Variants in SLC35F1 observed in about 807,000 individuals in gnomAD.
The protein encoded by SLC35F1 is solute carrier family 35 member F1.
Under a neutral mutation model 48.7 loss-of-function variants are expected in SLC35F1, and 14 were observed. That is an observed-to-expected ratio of 0.29 (90% confidence interval 0.19 to 0.45). The LOEUF is 0.45. SLC35F1 is among the 20% of genes least tolerant of loss of function. The pLI is 1.00. For missense variants in SLC35F1, 404 were observed against 500.0 expected (o/e 0.81, Z 1.83); for synonymous variants, 190 against 202.2 (o/e 0.94, Z 0.51).
At chr6:118,032,731 C>G (rs1365649154) in intron 1 of SLC35F1, among the ~76,000 whole-genome samples, 2 of 152,076 alleles carry the variant, frequency 1.3e-5, no homozygotes, top group Non-Finnish European at 2.9e-5. Context: ...TTTCCTTAGC[C>G]TGTAATTTGT....
At chr6:117,977,472 C>G (rs1476016599) in intron 1 of SLC35F1, among the ~76,000 whole-genome samples, 1 of 151,984 alleles carries the variant, frequency 6.6e-6, no homozygotes, top group Non-Finnish European at 1.5e-5. Flanking sequence ...AAAATGTTAG[C>G]TAAGTATTGA....
At chr6:118,035,071 G>C (rs959715308) in intron 1 of SLC35F1, among the ~76,000 whole-genome samples, 1 of 151,944 alleles carries the variant, frequency 6.6e-6, no homozygotes, top group Non-Finnish European at 1.5e-5. Context: ...TAGATACAGG[G>C]CTCTTTAGTT....
At chr6:118,019,740 A>G (rs998799144) in intron 1 of SLC35F1, among the ~76,000 whole-genome samples, 9 of 152,270 alleles carry the variant, frequency 5.9e-5, no homozygotes, top group African/African-American at 2.2e-4. Flanking sequence ...TTGATGAAAC[A>G]TTCTTGCGAA....
intron 1 of SLC35F1, among the ~76,000 whole-genome samples, chr6:117,921,083 C>G (rs923334515): frequency 1.5e-5 from 2 of 137,378 alleles, no homozygotes; most frequent in Non-Finnish European, 3.1e-5. Flanking sequence ...CACACACACA[C>G]ACACACACTT....
chr6:118,016,608 A>G (rs1211346678), intron 1 of SLC35F1, among the ~76,000 whole-genome samples: 2 of 152,206 alleles, frequency 1.3e-5, no homozygotes, highest in Admixed American at 1.3e-4. Flanking sequence ...TTCTTTGTTC[A>G]GGAACTTTTA....
chr6:118,090,362 G>T (rs1455533379), intron 1 of SLC35F1, among the ~76,000 whole-genome samples: 1 of 152,108 alleles, frequency 6.6e-6, no homozygotes, highest in Non-Finnish European at 1.5e-5. Context: ...CATATGTCGT[G>T]GTGGGAGGAA....
intron 1 of SLC35F1, among the ~76,000 whole-genome samples, chr6:117,971,342 G>C (rs775149693): frequency 6.6e-6 from 1 of 152,234 alleles, no homozygotes; most frequent in African/African-American, 2.4e-5. Flanking sequence ...GGCTTTGCAG[G>C]GTACAGCCCC....
In SLC35F1 at chr6:118,275,536, T is replaced by A. The variant is rs1775909264; in HGVS notation, c.715T>A (p.Tyr239Asn). Residue 239 changes from tyrosine to asparagine, a missense_variant, in exon 5 of 8, where the codon TAC becomes AAC. By Grantham distance (143) the Tyr-to-Asn change is moderately radical (BLOSUM62 -2). Around this residue, in one of 2 missense-constraint regions of SLC35F1, gnomAD observed 306 missense variants for 419.1 expected, o/e 0.73. Coordinates refer to ENST00000360388, the MANE Select transcript of SLC35F1 (RefSeq NM_001029858.4). ...LYGISNVWEEYIIRTLSRVEF... is the reference protein window; with the variant it reads ...LYGISNVWEENIIRTLSRVEF... ...TGGTATTTCTAACGTCTGGGAAGAA[T>A]ACATCATCCGAACTCTGAGCCGAGT... 6.2e-7 allele frequency: 1 copy of A among 1,613,848 alleles called. No homozygotes were observed. The highest frequency in any genetic ancestry group is 8.5e-7 in the Non-Finnish European group (1 of 1,179,940).
intron 1 of SLC35F1, among the ~76,000 whole-genome samples, chr6:117,929,504 CAGAG>C (rs1052276603): frequency 7.6e-6 from 1 of 131,624 alleles, no homozygotes; most frequent in Non-Finnish European, 1.6e-5. Context: ...GAGAGAGAGA[CAGAG>C]AGAGAGATTG....
intron 1 of SLC35F1, among the ~76,000 whole-genome samples, chr6:117,958,812 T>C (rs1183800269): frequency 1.3e-5 from 2 of 152,264 alleles, no homozygotes; most frequent in African/African-American, 2.4e-5. Context: ...CTTCTTTATA[T>C]GTTTAAAGAG....
chr6:118,208,647 C>CACAT (rs1466869836), intron 2 of SLC35F1, among the ~76,000 whole-genome samples: 11 of 152,042 alleles, frequency 7.2e-5, no homozygotes. Context: ...AATCAGAAAA[C>CACAT]ACATGTAACT....
chr6:118,044,392 C>A (rs1362427050), intron 1 of SLC35F1, among the ~76,000 whole-genome samples: 1 of 152,158 alleles, frequency 6.6e-6, no homozygotes, highest in Non-Finnish European at 1.5e-5. Context: ...TTTTTCCTCT[C>A]TCTCCGTTTC....
intron 2 of SLC35F1, among the ~76,000 whole-genome samples, chr6:118,164,463 A>G (rs1327700693): frequency 1.3e-5 from 2 of 152,184 alleles, no homozygotes; most frequent in Admixed American, 6.5e-5. Flanking sequence ...TTCTCAATTC[A>G]GTCAAAATTC....
At chr6:117,971,146 C>T (rs1776632394) in intron 1 of SLC35F1, among the ~76,000 whole-genome samples, 1 of 152,184 alleles carries the variant, frequency 6.6e-6, no homozygotes, top group Non-Finnish European at 1.5e-5. Context: ...GGTAAATACA[C>T]CCATTCCAAG....
chr6:118,204,984 C>T (rs9489319), intron 2 of SLC35F1, among the ~76,000 whole-genome samples: 8,754 of 152,252 alleles, frequency 0.057, 431 homozygotes, highest in African/African-American at 0.13. Flanking sequence ...CAGAAAGCTA[C>T]GCTGGAGCTC....
intron 1 of SLC35F1, among the ~76,000 whole-genome samples, chr6:117,966,131 G>GCCCCCCCCCCCCCCCCCCCCCCCCCCCCC (rs35420310): frequency 4.0e-5 from 4 of 101,166 alleles, no homozygotes; most frequent in Admixed American, 1.8e-4. Context: ...GCAGGCCACC[G>GCCCCCCCCCCCCCCCCCCCCCCCCCCCCC]CCCCCCCCCC....
At chr6:118,151,500 T>C (rs1774056748) in intron 1 of SLC35F1, among the ~76,000 whole-genome samples, 1 of 152,138 alleles carries the variant, frequency 6.6e-6, no homozygotes, top group South Asian at 2.1e-4. Flanking sequence ...ATACTTATCT[T>C]AGGCAGTCTT....
chr6:118,003,412 G>C (rs1444560863), intron 1 of SLC35F1, among the ~76,000 whole-genome samples: 1 of 152,230 alleles, frequency 6.6e-6, no homozygotes, highest in Admixed American at 6.5e-5. Context: ...GGTTGGTTCT[G>C]GTCCTGGTTC....
chr6:118,134,559 G>A (rs779432551), intron 1 of SLC35F1, among the ~76,000 whole-genome samples: 11 of 152,184 alleles, frequency 7.2e-5, no homozygotes, highest in African/African-American at 2.2e-4. Flanking sequence ...ATAGGCAAGC[G>A]TTTAATAAAT....
Sources: allele counts gnomAD v4.1 joint callset (sites outside exome capture counted in the v4.1 genomes callset), GRCh38; gene constraint gnomAD v4.1.1; regional missense constraint gnomAD v4.1.1; transcripts MANE v1.5; gene names NCBI Gene and HGNC (gene_info 2026-07-23, HGNC 2026-07-21).